ETS1: variants seen among roughly 807,000 people sequenced by gnomAD.
ETS1 encodes the protein protein C-ets-1.
Under a neutral mutation model 58.6 loss-of-function variants are expected in ETS1, and 15 were observed. The ratio of observed to expected loss-of-function variants is 0.26; its 90% CI spans 0.17 to 0.39. The LOEUF is 0.39. Ranked by LOEUF, ETS1 falls within the 10% of genes least tolerant of loss-of-function variation. The pLI, the probability that ETS1 is intolerant of heterozygous loss-of-function variation, is 1.00. For missense variants in ETS1, 417 were observed against 610.5 expected (o/e 0.68, Z 3.34); for synonymous variants, 214 against 218.2 (o/e 0.98, Z 0.17).
intron 3 of ETS1, among the ~76,000 whole-genome samples, chr11:128,540,852 G>A (rs1182003619): frequency 1.3e-5 from 2 of 152,314 alleles, no homozygotes; most frequent in South Asian, 2.1e-4. Flanking sequence ...GGAAGGCCAC[G>A]GAGAGGCCAG....
chr11:128,512,021 T>C (rs1221163342), intron 3 of ETS1, among the ~76,000 whole-genome samples: 12 of 152,226 alleles, frequency 7.9e-5, no homozygotes, highest in Admixed American at 7.9e-4. Context: ...GCAAACAATA[T>C]GCACAAACGG....
chr11:128,516,024 T>C (rs1334282070), intron 3 of ETS1, among the ~76,000 whole-genome samples: 1 of 152,244 alleles, frequency 6.6e-6, no homozygotes, highest in East Asian at 1.9e-4. Flanking sequence ...CTGTTAAGCA[T>C]GGCTCTCTGC....
intron 3 of ETS1, among the ~76,000 whole-genome samples, chr11:128,535,650 C>T (rs906095563): frequency 5.3e-5 from 8 of 152,192 alleles, no homozygotes; most frequent in African/African-American, 1.9e-4. Context: ...TCATCCCTGA[C>T]ACATCAAGTC....
chr11:128,584,938 AAAAGAAAGAAAGAAAGAAAG>A (rs765433081), intron 1 of ETS1, among the ~76,000 whole-genome samples: 21 of 62,562 alleles, frequency 3.4e-4, no homozygotes, highest in African/African-American at 1.1e-3. Flanking sequence ...GAAAAAAGAG[AAAAGAAAGAAAGAAAGAAAG>A]AAAGAAAGAA....
At position 128,537,467 on chromosome 11, in the gene ETS1, T is replaced by C. The variant is rs1195790573; in HGVS notation, c.214+18824A>G. 7.2e-5 allele frequency among the ~76,000 whole-genome samples: 11 copies of C among 152,164 alleles called. No homozygotes were observed. In the East Asian group the frequency reaches 1.9e-3, roughly 27 times the overall value. On this transcript the variant is annotated intron_variant, in intron 3 of 9. Transcript: ENST00000392668. ...AGTGATGTATCTGCCTGAGTTCAAG[T>C]ATGAACTGGAGGAGGAATTAAATCG... is the stretch of plus-strand genomic sequence containing the variant.
At chr11:128,566,737 G>C (rs1011000544) in intron 2 of ETS1, among the ~76,000 whole-genome samples, 2 of 151,500 alleles carry the variant, frequency 1.3e-5, no homozygotes, top group Non-Finnish European at 2.9e-5. Flanking sequence ...GAGCCGAGAG[G>C]GCGCCACTGC....
chr11:128,577,779 G>T (rs548568144), intron 1 of ETS1, among the ~76,000 whole-genome samples: 1 of 152,306 alleles, frequency 6.6e-6, no homozygotes, highest in South Asian at 2.1e-4. Context: ...ATGCTGCTTA[G>T]CTGGGGAGTA....
At chr11:128,505,992 T>C (rs930127779) in intron 3 of ETS1, among the ~76,000 whole-genome samples, 1 of 151,798 alleles carries the variant, frequency 6.6e-6, no homozygotes, top group Non-Finnish European at 1.5e-5. Flanking sequence ...TGGGCTTGAG[T>C]GGTGAGGAAG....
intron 2 of ETS1, 70 bp from the exon 3 acceptor site, chr11:128,556,505 G>A: frequency 4.9e-6 from 5 of 1,015,896 alleles, no homozygotes; most frequent in Non-Finnish European, 7.1e-6. Context: ...AAAGAACTAT[G>A]ACTTCATATT....
chr11:128,474,485 T>G (rs1452727652), intron 8 of ETS1, among the ~76,000 whole-genome samples: 1 of 152,168 alleles, frequency 6.6e-6, no homozygotes, highest in African/African-American at 2.4e-5. Context: ...CAAAACTAAT[T>G]AGATAGGAGG....
At position 128,461,483 on chromosome 11, in the gene ETS1, T is replaced by C. The variant is rs1263622904; in HGVS notation, c.*878A>G. ...AGTCCAAACCCCGAGAATCCACTGATAACAAGTAAGTAAAGGGATGTGCTA... is the reference window on the plus strand; with the variant it reads ...AGTCCAAACCCCGAGAATCCACTGACAACAAGTAAGTAAAGGGATGTGCTA... On this transcript the variant is annotated 3_prime_UTR_variant, in exon 10 of 10. Coordinates refer to ENST00000392668, the MANE Select transcript of ETS1 (RefSeq NM_001143820.2). 6.5e-6 allele frequency: 1 copy of C among 152,734 alleles called. No individual in the cohort carries two copies. Among genetic ancestry groups the C allele is most frequent in the Non-Finnish European group, 1.5e-5 (1 of 68,030 alleles). The allele number at this position is 152,734 out of a possible 1,614,324, so 9.5% of individuals were successfully genotyped here. A position where few individuals can be genotyped will look rare whatever the true frequency, so the allele number is the denominator to read the frequency against.
At position 128,463,635 on chromosome 11, in the gene ETS1, C is replaced by G; in HGVS notation, c.1124-8G>C. On this transcript the variant is annotated splice_region_variant and splice_polypyrimidine_tract_variant and intron_variant, in intron 8 of 9. Coordinates refer to ENST00000392668, the MANE Select transcript of ETS1 (RefSeq NM_001143820.2). This position sits in a 1 kb window ranked among gnomAD's most constrained non-coding sequence, Gnocchi z 4.1. Reference sequence around the variant, plus strand: ...GCTGGATTGGTCCACTGCCTAGAAACACAAGCCATTGTGAATCATTACACC... The same window carrying G: ...GCTGGATTGGTCCACTGCCTAGAAAGACAAGCCATTGTGAATCATTACACC... 6.8e-7 allele frequency: 1 copy of G among 1,468,082 alleles called. No homozygotes were observed. Among genetic ancestry groups the G allele is most frequent in the Non-Finnish European group, 9.6e-7 (1 of 1,046,776 alleles). The allele number at this position is 1,468,082 out of a possible 1,614,324, so 90.9% of individuals were successfully genotyped here.
intron 3 of ETS1, among the ~76,000 whole-genome samples, chr11:128,491,872 T>C (rs1377809020): frequency 1.3e-5 from 2 of 152,216 alleles, no homozygotes; most frequent in East Asian, 3.8e-4. Flanking sequence ...TTTGCAAATG[T>C]ATCATCATTT....
chr11:128,504,589 A>G (rs1391312789), intron 3 of ETS1, among the ~76,000 whole-genome samples: 2 of 152,232 alleles, frequency 1.3e-5, no homozygotes, highest in Non-Finnish European at 2.9e-5. Context: ...GATGTCATCT[A>G]GTTCAAACCT....
intron 3 of ETS1, among the ~76,000 whole-genome samples, chr11:128,511,241 A>C (rs1181833951): frequency 6.6e-6 from 1 of 152,236 alleles, no homozygotes; most frequent in Non-Finnish European, 1.5e-5. Flanking sequence ...AGAAGAACAA[A>C]GCAATGTGCC....
At chr11:128,506,053 G>C (rs549717717) in intron 3 of ETS1, among the ~76,000 whole-genome samples, 79 of 152,166 alleles carry the variant, frequency 5.2e-4, no homozygotes, top group Non-Finnish European at 8.5e-4. Flanking sequence ...GCTCCCCCAG[G>C]TGTGTGCTCC....
chr11:128,514,922 T>G (rs1178063787), intron 3 of ETS1, among the ~76,000 whole-genome samples: 2 of 152,216 alleles, frequency 1.3e-5, no homozygotes, highest in African/African-American at 4.8e-5. Context: ...TACAATTTCC[T>G]TTCATTCATT....
rs528817657 is a variant in ETS1, at chr11:128,472,827, C to T, written c.1123+7364G>A. ...GACCTGCAGCATGGTCTGAAGGTTCCGCTGCCTTCTCTTCGCTGCCTTTTT... is the reference window on the plus strand; with the variant it reads ...GACCTGCAGCATGGTCTGAAGGTTCTGCTGCCTTCTCTTCGCTGCCTTTTT... On this transcript the variant is annotated intron_variant, in intron 8 of 9. Transcript: ENST00000392668. Among the ~76,000 whole-genome samples, 17 of 152,332 alleles carry T rather than the reference C, an allele frequency of 1.1e-4. No individual in the cohort carries two copies. The East Asian group carries it at 2.5e-3, about 22-fold the overall frequency.
At chr11:128,582,666 CA>C (rs1328304548) in intron 1 of ETS1, among the ~76,000 whole-genome samples, 1 of 152,022 alleles carries the variant, frequency 6.6e-6, no homozygotes, top group East Asian at 1.9e-4. Flanking sequence ...TAGCATTAGT[CA>C]AGAATTTTGC....
Sources: allele counts gnomAD v4.1 joint callset (sites outside exome capture counted in the v4.1 genomes callset), GRCh38; gene constraint gnomAD v4.1.1; non-coding constraint Gnocchi (gnomAD v3.1); transcripts MANE v1.5; gene names NCBI Gene and HGNC (gene_info 2026-07-23, HGNC 2026-07-21).